PGAP4: variants seen among roughly 807,000 people sequenced by gnomAD.
PGAP4 encodes the protein GPI-N-acetylgalactosamine transferase PGAP4.
In PGAP4, 12 loss-of-function variants were observed where a neutral mutation model predicts 28.2. That is an observed-to-expected ratio of 0.42 (90% CI 0.27 to 0.69). The LOEUF (loss-of-function observed/expected upper bound fraction) is 0.69. Ranked by LOEUF, PGAP4 falls within the 30% of genes least tolerant of loss-of-function variation. The pLI is 0.22. For synonymous variants in PGAP4, 205 were observed against 211.8 expected, an observed-to-expected ratio of 0.97 and a Z score of 0.28; for missense variants, 425 against 513.5, an observed-to-expected ratio of 0.83 and a Z score of 1.67.
chr9:101,489,452 A>T (rs748676410), upstream of PGAP4, among the ~76,000 whole-genome samples: 1 of 152,210 alleles, frequency 6.6e-6, no homozygotes, highest in Non-Finnish European at 1.5e-5. Context: ...CTAGGGCTTG[A>T]TACCAAGGAA....
intron 1 of PGAP4, among the ~76,000 whole-genome samples, chr9:101,483,561 T>G (rs1826542889): frequency 6.6e-6 from 1 of 152,064 alleles, no homozygotes; most frequent in Non-Finnish European, 1.5e-5. Context: ...CCATTAGAAA[T>G]GGCAATAGAC....
chr9:101,532,738 T>C (rs1262611604), exon 1 of PGAP4: 3 of 152,194 alleles, frequency 2.0e-5, no homozygotes, highest in African/African-American at 7.2e-5. Flanking sequence ...CAGTTAATTC[T>C]TTCCAAGATA....
intron 2 of PGAP4, among the ~76,000 whole-genome samples, chr9:101,518,920 A>C (rs756681122): frequency 1.3e-5 from 2 of 152,168 alleles, no homozygotes; most frequent in Non-Finnish European, 2.9e-5. Flanking sequence ...ACTAGTTTAC[A>C]TTCCCACCAG....
intron 2 of PGAP4, among the ~76,000 whole-genome samples, chr9:101,509,498 G>A (rs1826877149): frequency 6.6e-6 from 1 of 152,096 alleles, no homozygotes; most frequent in Non-Finnish European, 1.5e-5. Context: ...AGAAATCTTT[G>A]AAGTGGCTCT....
In PGAP4 at chr9:101,476,916, G is replaced by T; in HGVS notation, c.177C>A (p.Asn59Lys). 6.2e-7 allele frequency: 1 copy of T among 1,614,120 alleles called. No individual in the cohort carries two copies. Among genetic ancestry groups the T allele is most frequent in the Admixed American group, 1.7e-5 (1 of 60,026 alleles). ...SYFYLRHWHL[N>K]QMSQEFLQQS... is the part of the protein sequence containing the mutation. ...GCTGCAGGAACTCTTGGCTCATTTG[G>T]TTCAGATGCCAATGGCGCAGATAGA... Residue 59 changes from asparagine to lysine, a missense_variant, in exon 2 of 2, where the codon AAC (asparagine) becomes AAA (lysine). By Grantham distance (94) the Asn-to-Lys change is moderately conservative. Transcript: ENST00000374848. The surrounding 1 kb of genome is among the most constrained non-coding windows in gnomAD (Gnocchi z 7.0).
intron 2 of PGAP4, among the ~76,000 whole-genome samples, chr9:101,523,635 T>A (rs1378485999): frequency 9.8e-6 from 1 of 101,924 alleles, no homozygotes; most frequent in Non-Finnish European, 1.9e-5. Flanking sequence ...TTTTTTTTTT[T>A]TTTTTTTTTT....
At chr9:101,526,825 T>G (rs1564103180) in intron 2 of PGAP4, among the ~76,000 whole-genome samples, 1 of 152,204 alleles carries the variant, frequency 6.6e-6, no homozygotes, top group Non-Finnish European at 1.5e-5. Flanking sequence ...AAATTGTAAT[T>G]TCAAGGTTTA....
At chr9:101,491,648 T>C, upstream of PGAP4, among the ~76,000 whole-genome samples, 1 of 151,698 alleles carries the variant, frequency 6.6e-6, no homozygotes. Flanking sequence ...CAGACATGTA[T>C]TTTTAAATTT....
At position 101,493,869 on chromosome 9, in the gene PGAP4, A is replaced by G. The variant is rs991868735; in HGVS notation, c.-164-4669T>C. ...AGTTTTTGTTGGAGAGTTGTAGCCA[A>G]ATATTGGGGGAGATTAGGAGAATGT... is the stretch of plus-strand genomic sequence containing the variant. On this transcript the variant is annotated intron_variant, in intron 2 of 3. Transcript: ENST00000374851. Among the ~76,000 whole-genome samples the G allele has an allele frequency of 8.5e-5, 13 of 152,208 alleles. No homozygotes were observed. The South Asian group carries it at 1.2e-3, about 15-fold the overall frequency.
At chr9:101,478,537 A>G (rs1434372823) in intron 1 of PGAP4, among the ~76,000 whole-genome samples, 1 of 152,200 alleles carries the variant, frequency 6.6e-6, no homozygotes, top group Non-Finnish European at 1.5e-5. Context: ...GGCACACAGA[A>G]AGACCTCATT....
At chr9:101,520,072 T>G (rs995818502) in intron 2 of PGAP4, among the ~76,000 whole-genome samples, 6 of 152,254 alleles carry the variant, frequency 3.9e-5, no homozygotes, top group African/African-American at 1.4e-4. Context: ...TCCACTGGTC[T>G]ATGTGCCTAT....
chr9:101,524,367 G>T (rs1313079187), intron 2 of PGAP4, among the ~76,000 whole-genome samples: 3 of 152,078 alleles, frequency 2.0e-5, no homozygotes, highest in African/African-American at 7.2e-5. Context: ...CAGGTGGAGG[G>T]CTATATGGCT....
chr9:101,493,679 G>A (rs1826711535), intron 2 of PGAP4, among the ~76,000 whole-genome samples: 1 of 152,108 alleles, frequency 6.6e-6, no homozygotes, highest in African/African-American at 2.4e-5. Context: ...GGTCAAAGCT[G>A]TTTACAGCAT....
chr9:101,526,957 T>G (rs1050407523), intron 2 of PGAP4, among the ~76,000 whole-genome samples: 2 of 152,242 alleles, frequency 1.3e-5, no homozygotes, highest in South Asian at 4.1e-4. Context: ...TCCTTCCACC[T>G]CTTCCAAATT....
intron 2 of PGAP4, among the ~76,000 whole-genome samples, chr9:101,517,665 G>A (rs1826953807): frequency 1.3e-5 from 2 of 152,250 alleles, no homozygotes; most frequent in Middle Eastern, 6.8e-3. Context: ...TAGGACAGGA[G>A]AGACTATACA....
chr9:101,524,094 A>G (rs972164496), intron 2 of PGAP4, among the ~76,000 whole-genome samples: 6 of 151,550 alleles, frequency 4.0e-5, no homozygotes, highest in Admixed American at 3.9e-4. Flanking sequence ...TGAACTGTCT[A>G]TGGGTCTCTC....
intron 2 of PGAP4, among the ~76,000 whole-genome samples, chr9:101,513,553 A>G (rs1826916449): frequency 6.6e-6 from 1 of 152,154 alleles, no homozygotes; most frequent in Admixed American, 6.6e-5. Context: ...TGTAGCTACA[A>G]TGCCACTCTA....
intron 2 of PGAP4, among the ~76,000 whole-genome samples, chr9:101,503,307 G>A (rs757266917): frequency 1.0e-3 from 153 of 152,018 alleles, no homozygotes; most frequent in Non-Finnish European, 2.0e-3. Flanking sequence ...CTCAATCCTG[G>A]TCCTCCTTCT....
At chr9:101,512,526 C>G (rs1476156513) in intron 2 of PGAP4, among the ~76,000 whole-genome samples, 1 of 152,150 alleles carries the variant, frequency 6.6e-6, no homozygotes, top group Non-Finnish European at 1.5e-5. Flanking sequence ...GGGAGGCTGA[C>G]TGATTCATGA....
Sources: gnomAD v4.1 joint callset for allele counts (sites outside exome capture counted in the v4.1 genomes callset) on GRCh38, gnomAD v4.1.1 for gene constraint, Gnocchi (gnomAD v3.1) non-coding constraint, MANE v1.5 for transcripts, NCBI Gene and HGNC (gene_info 2026-07-23, HGNC 2026-07-21) for gene names.